The following BCAP29 variants were observed in gnomAD, a reference collection of about 807,000 sequenced individuals.
BCAP29 encodes the protein B cell receptor associated protein 29, also known as B-cell receptor-associated protein 29.
In BCAP29, 34 loss-of-function variants were observed where a neutral mutation model predicts 31.8. The observed-to-expected ratio is 1.07, with a 90% CI of 0.81 to 1.42. BCAP29 has a LOEUF of 1.42. Ranked by LOEUF, BCAP29 falls within the 40% of genes most tolerant of loss-of-function variation. The pLI, the probability that BCAP29 is intolerant of heterozygous loss-of-function variation, is 0.00. For missense variants in BCAP29, 314 were observed against 269.2 expected (o/e 1.17, Z -1.16); for synonymous variants, 104 against 91.3 (o/e 1.14, Z -0.79).
chr7:107,611,820 C>T (rs1813177222), intron 6 of BCAP29, among the ~76,000 whole-genome samples: 1 of 152,164 alleles, frequency 6.6e-6, no homozygotes, highest in African/African-American at 2.4e-5. Flanking sequence ...TAGAGCTGTG[C>T]TGCCCAATAT....
chr7:107,600,885 A>G (rs943134793), intron 6 of BCAP29, among the ~76,000 whole-genome samples: 11 of 152,206 alleles, frequency 7.2e-5, no homozygotes. Context: ...ACAAGAAAAT[A>G]TATTGTTTAT....
At chr7:107,586,261 G>A (rs764511385) in intron 3 of BCAP29, among the ~76,000 whole-genome samples, 20 of 152,212 alleles carry the variant, frequency 1.3e-4, no homozygotes, top group Admixed American at 3.3e-4. Context: ...CATTCCAGAC[G>A]TATGCAAGGG....
At chr7:107,614,539 T>C (rs145516675) in intron 7 of BCAP29, among the ~76,000 whole-genome samples, 4 of 152,318 alleles carry the variant, frequency 2.6e-5, no homozygotes, top group Non-Finnish European at 5.9e-5. Flanking sequence ...ATAGGTATTA[T>C]CATCATCATC....
At chr7:107,599,141 G>GTATATAAATATATATTTATAAA (rs1373301104) in intron 5 of BCAP29, among the ~76,000 whole-genome samples, 5 of 103,306 alleles carry the variant, frequency 4.8e-5, no homozygotes, top group African/African-American at 7.9e-5. Context: ...AAATTTATAT[G>GTATATAAATATATATTTATAAA]TATATAAATA....
chr7:107,617,676 T>C (rs10273733), intron 7 of BCAP29, among the ~76,000 whole-genome samples: 114,411 of 152,104 alleles, frequency 0.75, 43,337 homozygotes, highest in African/African-American at 0.85. Flanking sequence ...CTCTTGTCTT[T>C]TTATTTGATT....
intron 3 of BCAP29, among the ~76,000 whole-genome samples, chr7:107,585,623 A>G (rs1454662413): frequency 6.6e-6 from 1 of 152,216 alleles, no homozygotes; most frequent in Non-Finnish European, 1.5e-5. Flanking sequence ...AATTATCACA[A>G]AAATTTCTAT....
At chr7:107,590,723 G>A (rs1301628652) in intron 3 of BCAP29, among the ~76,000 whole-genome samples, 1 of 151,928 alleles carries the variant, frequency 6.6e-6, no homozygotes, top group Non-Finnish European at 1.5e-5. Context: ...AAAGGCTGAG[G>A]TGGGAGAGTT....
intron 6 of BCAP29, among the ~76,000 whole-genome samples, chr7:107,606,004 G>T (rs1232596697): frequency 6.6e-6 from 1 of 152,052 alleles, no homozygotes; most frequent in Non-Finnish European, 1.5e-5. Flanking sequence ...TAATGAAAAA[G>T]ATAGCTTTTT....
At chr7:107,606,018 G>A (rs966247578) in intron 6 of BCAP29, among the ~76,000 whole-genome samples, 1 of 152,156 alleles carries the variant, frequency 6.6e-6, no homozygotes, top group African/African-American at 2.4e-5. Flanking sequence ...GCTTTTTATT[G>A]TAAAAAGAAT....
chr7:107,618,574 T>A lies in BCAP29; in HGVS notation c.*211T>A, dbSNP rs1814608779. On this transcript the variant is annotated 3_prime_UTR_variant, in exon 8 of 8. Coordinates refer to ENST00000005259, the MANE Select transcript of BCAP29 (RefSeq NM_018844.4). ...TGTATTCCAGCTCTTAAGAAAAATA[T>A]AAGCATGTTAAATACCATATTTACA... 6.3e-7 allele frequency: 1 copy of A among 1,595,000 alleles called. No individual in the cohort carries two copies. The highest frequency in any genetic ancestry group is 2.2e-5 in the East Asian group (1 of 44,608).
At chr7:107,593,867 T>C (rs1809323194) in intron 3 of BCAP29, 88 bp from the exon 4 acceptor site, 1 of 1,313,746 alleles carries the variant, frequency 7.6e-7, no homozygotes, top group African/African-American at 1.5e-5. Flanking sequence ...TTTAAAAGTT[T>C]GGTCAGTTTT....
intron 5 of BCAP29, among the ~76,000 whole-genome samples, chr7:107,597,983 G>A (rs34549221): frequency 2.3e-3 from 353 of 152,262 alleles, no homozygotes; most frequent in Non-Finnish European, 2.8e-3. Flanking sequence ...GTGAACGCTT[G>A]CATTGTTGTA....
intron 2 of BCAP29, among the ~76,000 whole-genome samples, chr7:107,582,942 A>G (rs950618242): frequency 3.3e-5 from 5 of 152,158 alleles, no homozygotes; most frequent in Admixed American, 2.6e-4. Context: ...ATTCATCTGT[A>G]TGAATCTCCC....
chr7:107,580,465 G>C, intron 1 of BCAP29, 164 bp downstream of exon 1: 2 of 299,758 alleles, frequency 6.7e-6, no homozygotes, highest in Non-Finnish European at 1.2e-5. Context: ...GAGCGGGAGG[G>C]CCGGGAAGCC....
Position 107,599,225 on chromosome 7 carries a change from A to AT in BCAP29, c.481-1172_481-1171insT, listed in dbSNP as rs1563133921. Among the ~76,000 whole-genome samples, 14 of 18,182 alleles carry AT rather than the reference A, an allele frequency of 7.7e-4. 1 individual carries two copies. The highest frequency in any genetic ancestry group is 4.3e-3 in the East Asian group (3 of 692). 11.9% of individuals were successfully genotyped at this position (18,182 alleles called of 152,430 possible). A position where few individuals can be genotyped will look rare whatever the true frequency, so the allele number is the denominator to read the frequency against. On this transcript the variant is annotated intron_variant, in intron 5 of 7. Coordinates refer to ENST00000005259, the MANE Select transcript of BCAP29 (RefSeq NM_018844.4). Reference sequence around the variant, plus strand: ...CATATTTATAAATATATATATACATAATTATATATATTTATATATAAATAT... The same window carrying AT: ...CATATTTATAAATATATATATACATATATTATATATATTTATATATAAATAT...
Position 107,580,719 on chromosome 7 carries a change from T to G in BCAP29, c.-14-40T>G. On this transcript the variant is annotated intron_variant, in intron 1 of 7. Transcript: ENST00000005259. ...CTCGGGGCCTTGAACCCGGTTTTGT[T>G]TGAAAGGAAGCAAGAGAAAATAAGT... 3 of 1,457,198 alleles carry G rather than the reference T, an allele frequency of 2.1e-6. 1 individual carries two copies. The highest frequency in any genetic ancestry group is 2.8e-6 in the Non-Finnish European group (3 of 1,055,724). The allele number at this position is 1,457,198 out of a possible 1,614,324, so 90.3% of individuals were successfully genotyped here.
At chr7:107,618,265 T>C in intron 7 of BCAP29, 63 bp from the exon 8 acceptor site, 1 of 1,215,284 alleles carries the variant, frequency 8.2e-7, no homozygotes, top group Non-Finnish European at 1.1e-6. Context: ...TAAAAGTCCT[T>C]GTCATGTCTA....
Position 107,595,991 on chromosome 7 carries a change from A to G in BCAP29, c.469A>G (p.Lys157Glu). The change falls in exon 5 of 8, where the codon AAA becomes GAA. Residue 157 changes from lysine (K) to glutamate (E), a missense_variant. Physicochemically the swap from Lys to Glu is moderately conservative, Grantham distance 56. Coordinates refer to ENST00000005259, the MANE Select transcript of BCAP29 (RefSeq NM_018844.4). ...AAKKFMEENE[K>E]LKRILKSHGK... is the part of the protein sequence containing the mutation. ...CAAAAAATTTATGGAAGAAAACGAA[A>G]AACTAAAAAGGGTATTTAATTTTCT... The G allele has an allele frequency of 6.3e-7, 1 of 1,576,200 alleles. No homozygotes were observed. The highest frequency in any genetic ancestry group is 8.6e-7 in the Non-Finnish European group (1 of 1,167,398).
At chr7:107,604,527 G>C (rs1017111316) in intron 6 of BCAP29, among the ~76,000 whole-genome samples, 4 of 151,856 alleles carry the variant, frequency 2.6e-5, no homozygotes. Flanking sequence ...TAAATTCTAA[G>C]TTTACCCTAA....
Sources: allele counts gnomAD v4.1 joint callset (sites outside exome capture counted in the v4.1 genomes callset), GRCh38; gene constraint gnomAD v4.1.1; transcripts MANE v1.5; gene names NCBI Gene and HGNC (gene_info 2026-07-23, HGNC 2026-07-21).